The following CFI variants were observed in gnomAD, a reference collection of about 807,000 sequenced individuals.
The protein encoded by CFI is C3B/C4B inactivator.
In CFI, 66 loss-of-function variants were observed where a neutral mutation model predicts 78.8. The observed-to-expected ratio is 0.84, with a 90% CI of 0.69 to 1.03. The LOEUF is 1.03. CFI is among the 50% of genes least tolerant of loss of function. CFI has a pLI of 0.00. For synonymous variants in CFI, 250 were observed against 232.6 expected (o/e 1.07, Z -0.68); for missense variants, 706 against 704.5 (o/e 1.00, Z -0.02).
At chr4:109,801,348 C>T (rs1339913811) in intron 1 of CFI, among the ~76,000 whole-genome samples, 3 of 152,180 alleles carry the variant, frequency 2.0e-5, no homozygotes, top group Non-Finnish European at 2.9e-5. Context: ...CAGAATTAAA[C>T]GTTCAGCTCA....
intron 7 of CFI, among the ~76,000 whole-genome samples, chr4:109,755,805 T>A (rs1726062326): frequency 6.6e-6 from 1 of 152,188 alleles, no homozygotes; most frequent in Non-Finnish European, 1.5e-5. Context: ...GCTAGATGCC[T>A]CGAAGAAATC....
intron 1 of CFI, among the ~76,000 whole-genome samples, chr4:109,790,066 A>G (rs1731195595): frequency 6.6e-6 from 1 of 152,006 alleles, no homozygotes; most frequent in South Asian, 2.1e-4. Context: ...CTAGGAATTC[A>G]TTAATATTTC....
intron 1 of CFI, among the ~76,000 whole-genome samples, chr4:109,785,531 C>T (rs1730633380): frequency 6.6e-6 from 1 of 151,684 alleles, no homozygotes; most frequent in Non-Finnish European, 1.5e-5. Flanking sequence ...CTTTTTTGCT[C>T]TCCACCCGCC....
chr4:109,761,534 C>T lies in CFI; in HGVS notation c.641G>A (p.Cys214Tyr). ...CCACCAACCTGCTTTCTGTGTATAA[C>T]AAACCACATCAGCGAAATCCTGGTA... ...MGYQDFADVVCYTQKADSPMD... is the reference protein window; with the variant it reads ...MGYQDFADVVYYTQKADSPMD... The change falls in exon 4 of 13, where the codon TGT (cysteine) becomes TAT (tyrosine). Residue 214 changes from cysteine to tyrosine, a missense_variant. By Grantham distance (194) the Cys-to-Tyr change is radical. Transcript: ENST00000394634. 1 of 1,614,112 alleles carries T rather than the reference C, an allele frequency of 6.2e-7. No individual in the cohort carries two copies. Among genetic ancestry groups the T allele is most frequent in the Non-Finnish European group, 8.5e-7 (1 of 1,180,002 alleles).
At chr4:109,752,616 C>A in intron 7 of CFI, 113 bp from the exon 8 acceptor site, 4 of 889,116 alleles carry the variant, frequency 4.5e-6, no homozygotes, top group Non-Finnish European at 7.2e-6. Flanking sequence ...CTTATCCTCC[C>A]TTTTATAAAG....
At chr4:109,753,930 A>T (rs1199371796) in intron 7 of CFI, among the ~76,000 whole-genome samples, 1 of 137,200 alleles carries the variant, frequency 7.3e-6, no homozygotes, top group African/African-American at 2.7e-5. Context: ...CTAATGTATA[A>T]TTTTATATTA....
At chr4:109,737,199 T>G (rs896615663), downstream of CFI, among the ~76,000 whole-genome samples, 1 of 152,078 alleles carries the variant, frequency 6.6e-6, no homozygotes, top group Non-Finnish European at 1.5e-5. Flanking sequence ...TAGAATCCTT[T>G]AATGGTCCAA....
intron 1 of CFI, among the ~76,000 whole-genome samples, chr4:109,769,102 T>A (rs941376363): frequency 5.9e-5 from 9 of 152,208 alleles, no homozygotes; most frequent in African/African-American, 2.2e-4. Flanking sequence ...GTTTTATTTA[T>A]CACCTTTATA....
chr4:109,795,650 C>T (rs982740848), intron 1 of CFI, among the ~76,000 whole-genome samples: 4 of 151,964 alleles, frequency 2.6e-5, no homozygotes, highest in African/African-American at 9.7e-5. Context: ...ATGAGATATT[C>T]AACAAACATA....
chr4:109,747,207 A>G (rs1166040942), intron 10 of CFI, among the ~76,000 whole-genome samples: 3 of 152,160 alleles, frequency 2.0e-5, no homozygotes, highest in Non-Finnish European at 4.4e-5. Context: ...TAAAACAGAG[A>G]CAGGGTCTCA....
chr4:109,748,281 T>C (rs553169767), intron 10 of CFI, among the ~76,000 whole-genome samples: 3 of 152,314 alleles, frequency 2.0e-5, no homozygotes, highest in South Asian at 4.1e-4. Context: ...AACAAATACT[T>C]AGTGTGAACC....
At chr4:109,797,348 T>C (rs906774774) in intron 1 of CFI, among the ~76,000 whole-genome samples, 2 of 152,200 alleles carry the variant, frequency 1.3e-5, no homozygotes, top group African/African-American at 2.4e-5. Flanking sequence ...TTTTAATAAG[T>C]GGTAATGGGA....
In CFI at chr4:109,785,088, C is replaced by T. The variant is rs1241210176; in HGVS notation, c.57+16827G>A. ...TACTTTGTGAGATCCACCCCCTGCC[C>T]ACAAATTGCTCCTAACTCCACTGTC... is the stretch of plus-strand genomic sequence containing the variant. On this transcript the variant is annotated intron_variant, in intron 1 of 12. Coordinates refer to ENST00000394634, the MANE Select transcript of CFI (RefSeq NM_000204.5). Among the ~76,000 whole-genome samples, 3 of 152,176 alleles carry T rather than the reference C, an allele frequency of 2.0e-5. No individual in the cohort carries two copies. The East Asian group carries it at 5.8e-4, about 29-fold the overall frequency.
At chr4:109,781,361 T>A (rs1390472149) in intron 1 of CFI, among the ~76,000 whole-genome samples, 7 of 152,008 alleles carry the variant, frequency 4.6e-5, no homozygotes, top group Non-Finnish European at 1.0e-4. Flanking sequence ...ATACAAAAGA[T>A]CATTCAAGGC....
intron 8 of CFI, among the ~76,000 whole-genome samples, chr4:109,749,926 C>G (rs1163549512): frequency 6.6e-6 from 1 of 152,148 alleles, no homozygotes; most frequent in Non-Finnish European, 1.5e-5. Flanking sequence ...GCAGTGGCAG[C>G]TCAGAAGGGA....
At chr4:109,770,770 A>G (rs2126231684) in intron 1 of CFI, among the ~76,000 whole-genome samples, 1 of 152,252 alleles carries the variant, frequency 6.6e-6, no homozygotes, top group African/African-American at 2.4e-5. Context: ...AAGATATCAA[A>G]ATGTTGGAAG....
intron 1 of CFI, among the ~76,000 whole-genome samples, chr4:109,775,453 G>A (rs373853084): frequency 1.3e-4 from 20 of 152,330 alleles, no homozygotes; most frequent in South Asian, 1.2e-3. Context: ...GCTGGGGGAG[G>A]GGCGTCTGCC....
rs746566803 is a variant in CFI at position 109,749,509 on chromosome 4, C to T, written c.1034G>A (p.Arg345Gln). ...TTCATGCGACTTTACCAGTTGTGCT[C>T]GCTTTCCTCCCACAATTCGTTTCCT... ...IRRKRIVGGKRAQLGDLPWQV... is the reference protein window; with the variant it reads ...IRRKRIVGGKQAQLGDLPWQV... The change falls in exon 9 of 13, where the codon CGA becomes CAA. Residue 345 changes from arginine to glutamine, a missense_variant. Coordinates refer to ENST00000394634, the MANE Select transcript of CFI (RefSeq NM_000204.5). 2.5e-6 allele frequency: 4 copies of T among 1,612,258 alleles called. No individual in the cohort carries two copies. Among genetic ancestry groups the T allele is most frequent in the Middle Eastern group, 3.3e-4 (2 of 6,058 alleles).
intron 1 of CFI, among the ~76,000 whole-genome samples, chr4:109,770,297 C>T (rs898633094): frequency 1.3e-5 from 2 of 152,050 alleles, no homozygotes; most frequent in African/African-American, 4.8e-5. Flanking sequence ...CAGTGGCTCA[C>T]GCCTGTAATC....
Sources: gnomAD v4.1 joint callset for allele counts (sites outside exome capture counted in the v4.1 genomes callset) on GRCh38, gnomAD v4.1.1 for gene constraint, MANE v1.5 for transcripts, NCBI Gene and HGNC (gene_info 2026-07-23, HGNC 2026-07-21) for gene names.